FHIT: variants seen among roughly 807,000 people sequenced by gnomAD.
FHIT encodes the protein fragile histidine triad diadenosine triphosphatase.
A neutral mutation model predicts 17.9 loss-of-function variants in FHIT; 19 were observed. The observed-to-expected ratio is 1.06, with a 90% CI of 0.74 to 1.56. FHIT has a LOEUF of 1.56. Among genes scored for constraint, FHIT ranks in the 40% most tolerant of loss-of-function variants. The pLI is 0.00. For synonymous variants in FHIT, 81 were observed against 69.7 expected, an observed-to-expected ratio of 1.16 and a Z score of -0.81; for missense variants, 248 against 189.2, an observed-to-expected ratio of 1.31 and a Z score of -1.82.
intron 8 of FHIT, among the ~76,000 whole-genome samples, chr3:59,778,890 T>C (rs1451561360): frequency 1.3e-5 from 2 of 152,208 alleles, no homozygotes; most frequent in Non-Finnish European, 2.9e-5. Flanking sequence ...TCTTTTGTTT[T>C]ACTCCTTCCC....
intron 3 of FHIT, among the ~76,000 whole-genome samples, chr3:60,996,816 G>C (rs933013227): frequency 3.3e-5 from 5 of 152,212 alleles, no homozygotes; most frequent in African/African-American, 1.2e-4. Context: ...CACTATGCCT[G>C]AAAGTTATGA....
chr3:59,887,236 C>T lies in FHIT; in HGVS notation c.348+35110G>A, dbSNP rs557625682. Among the ~76,000 whole-genome samples the T allele has an allele frequency of 5.3e-5, 8 of 152,268 alleles. No individual in the cohort carries two copies. In the East Asian group the frequency reaches 9.7e-4, roughly 18 times the overall value. ...ATCTCTTCCTATCTCATATTAAAAA[C>T]GAACCAGAGCAAGAACAGTAGCAGT... On this transcript the variant is annotated intron_variant, in intron 8 of 9. Coordinates refer to ENST00000492590, the MANE Select transcript of FHIT (RefSeq NM_002012.4).
chr3:60,501,510 C>T (rs2034524517), intron 5 of FHIT, among the ~76,000 whole-genome samples: 1 of 152,176 alleles, frequency 6.6e-6, no homozygotes, highest in Admixed American at 6.5e-5. Context: ...AAGCTAATGC[C>T]TCTCACAGTT....
chr3:59,977,968 G>A (rs2107416467), intron 7 of FHIT, among the ~76,000 whole-genome samples: 1 of 152,278 alleles, frequency 6.6e-6, no homozygotes, highest in Middle Eastern at 3.4e-3. Context: ...AGTTGTTTGT[G>A]AAGACTCTCA....
At chr3:60,780,931 C>T (rs898753412) in intron 4 of FHIT, among the ~76,000 whole-genome samples, 5 of 152,156 alleles carry the variant, frequency 3.3e-5, no homozygotes, top group Non-Finnish European at 7.3e-5. Flanking sequence ...TCTAGCCTTG[C>T]AGAGGCTCCC....
chr3:59,752,973 T>C (rs1490249450), intron 8 of FHIT, among the ~76,000 whole-genome samples: 1 of 152,142 alleles, frequency 6.6e-6, no homozygotes, highest in Non-Finnish European at 1.5e-5. Context: ...TGGGGAGCAT[T>C]TGCCATTCCC....
intron 8 of FHIT, among the ~76,000 whole-genome samples, chr3:59,768,830 G>T (rs1473068568): frequency 6.6e-6 from 1 of 152,166 alleles, no homozygotes; most frequent in African/African-American, 2.4e-5. Flanking sequence ...AGTGAGGCAG[G>T]AACAGATACA....
chr3:60,361,773 A>G (rs1370380170), intron 5 of FHIT, among the ~76,000 whole-genome samples: 3 of 152,190 alleles, frequency 2.0e-5, no homozygotes, highest in African/African-American at 7.2e-5. Context: ...AGTTCTTACC[A>G]TATCTCTCCT....
intron 7 of FHIT, among the ~76,000 whole-genome samples, chr3:59,992,786 G>A (rs1190537530): frequency 6.6e-6 from 1 of 152,040 alleles, no homozygotes; most frequent in Non-Finnish European, 1.5e-5. Context: ...TCACAGAACA[G>A]AGAGAACACG....
At chr3:60,224,587 T>C (rs1433717552) in intron 5 of FHIT, among the ~76,000 whole-genome samples, 1 of 152,184 alleles carries the variant, frequency 6.6e-6, no homozygotes, top group Non-Finnish European at 1.5e-5. Context: ...CCTGACGTAC[T>C]GATTATCCCT....
At chr3:60,378,102 C>T (rs1700649613) in intron 5 of FHIT, among the ~76,000 whole-genome samples, 2 of 152,200 alleles carry the variant, frequency 1.3e-5, no homozygotes, top group East Asian at 1.9e-4. Flanking sequence ...TCACGGCTCA[C>T]TGCGAGCTCC....
chr3:61,212,789 C>T (rs1240522995), intron 1 of FHIT, among the ~76,000 whole-genome samples: 1 of 152,346 alleles, frequency 6.6e-6, no homozygotes, highest in Admixed American at 6.5e-5. Context: ...GCCTATCAGA[C>T]TAACAGCGGA....
At chr3:59,996,387 A>G (rs1699512450) in intron 7 of FHIT, among the ~76,000 whole-genome samples, 1 of 152,046 alleles carries the variant, frequency 6.6e-6, no homozygotes, top group Non-Finnish European at 1.5e-5. Flanking sequence ...TTCCCTGACT[A>G]TTTAGTTGGA....
At chr3:60,230,128 G>A (rs116577199) in intron 5 of FHIT, among the ~76,000 whole-genome samples, 5,537 of 152,210 alleles carry the variant, frequency 0.036, 302 homozygotes, top group African/African-American at 0.12. Flanking sequence ...ATTGAATAAC[G>A]TTAAAATTTT....
intron 4 of FHIT, among the ~76,000 whole-genome samples, chr3:60,714,280 A>G (rs1405890502): frequency 1.3e-5 from 2 of 152,160 alleles, no homozygotes; most frequent in African/African-American, 2.4e-5. Context: ...GATGGGACAT[A>G]TCTCAAAATA....
At chr3:60,030,060 G>A (rs1031232002) in intron 5 of FHIT, among the ~76,000 whole-genome samples, 2 of 152,000 alleles carry the variant, frequency 1.3e-5, no homozygotes, top group Non-Finnish European at 2.9e-5. Context: ...GGTTTTGTTT[G>A]TGACTCCATT....
rs760417832 is a variant in FHIT at position 60,186,764 on chromosome 3, T to G, written c.104-172612A>C. 3.4e-4 allele frequency among the ~76,000 whole-genome samples: 52 copies of G among 151,682 alleles called. 1 individual carries two copies. The highest frequency in any genetic ancestry group is 1.7e-3 in the South Asian group (8 of 4,820). ...TAGAGCAGAAGAGCTGTAAAAAGGATGGAAAGTGCCATGCCCGCAAACTTT... is the reference window on the plus strand; with the variant it reads ...TAGAGCAGAAGAGCTGTAAAAAGGAGGGAAAGTGCCATGCCCGCAAACTTT... On this transcript the variant is annotated intron_variant, in intron 5 of 9. Coordinates refer to ENST00000492590, the MANE Select transcript of FHIT (RefSeq NM_002012.4).
intron 8 of FHIT, among the ~76,000 whole-genome samples, chr3:59,799,665 A>ATT (rs1699917260): frequency 6.6e-6 from 1 of 151,948 alleles, no homozygotes; most frequent in Non-Finnish European, 1.5e-5. Flanking sequence ...AAGAGAAGAG[A>ATT]CCCTTTCTTC....
intron 5 of FHIT, among the ~76,000 whole-genome samples, chr3:60,287,428 C>G (rs1055922744): frequency 6.6e-6 from 1 of 152,194 alleles, no homozygotes; most frequent in Non-Finnish European, 1.5e-5. Context: ...CTCAGCCTCC[C>G]AAAGTGCTGG....
Sources: allele counts gnomAD v4.1 joint callset (sites outside exome capture counted in the v4.1 genomes callset), GRCh38; gene constraint gnomAD v4.1.1; transcripts MANE v1.5; gene names NCBI Gene and HGNC (gene_info 2026-07-23, HGNC 2026-07-21).